BCKDHB: variants seen among roughly 807,000 people sequenced by gnomAD.
The protein encoded by BCKDHB is 2-oxoisovalerate dehydrogenase subunit beta, mitochondrial.
Under a neutral mutation model 48.5 loss-of-function variants are expected in BCKDHB, and 41 were observed. That is an observed-to-expected ratio of 0.85 (90% CI 0.66 to 1.10). BCKDHB has a LOEUF of 1.10. Ranked by LOEUF, BCKDHB falls within the 50% of genes least tolerant of loss-of-function variation. The pLI is 0.00. For synonymous variants in BCKDHB, 201 were observed against 174.8 expected (o/e 1.15, Z -1.18); for missense variants, 496 against 494.2 (o/e 1.00, Z -0.03).
chr6:80,147,881 G>T (rs1771566424), intron 3 of BCKDHB, among the ~76,000 whole-genome samples: 1 of 152,122 alleles, frequency 6.6e-6, no homozygotes, highest in Non-Finnish European at 1.5e-5. Context: ...ATCAGTCAGG[G>T]AGAATTGACA....
At chr6:80,171,499 G>C (rs936473308) in intron 6 of BCKDHB, 109 bp downstream of exon 6, 2 of 671,976 alleles carry the variant, frequency 3.0e-6, no homozygotes, top group Non-Finnish European at 4.8e-6. Context: ...TATTTTCCTT[G>C]TAGAAAGAAT....
the BCKDHB span, among the ~76,000 whole-genome samples, chr6:80,410,948 A>T: frequency 2.6e-5 from 4 of 152,170 alleles, no homozygotes; most frequent in East Asian, 7.7e-4. Context: ...TACTTCTGTC[A>T]ACTTGTCACA....
At chr6:80,123,598 A>G (rs991461481) in intron 1 of BCKDHB, among the ~76,000 whole-genome samples, 1 of 152,096 alleles carries the variant, frequency 6.6e-6, no homozygotes, top group Non-Finnish European at 1.5e-5. Context: ...CAGAGATTCA[A>G]CTTCTTCCTG....
the BCKDHB span, among the ~76,000 whole-genome samples, chr6:80,400,016 T>C: frequency 6.6e-6 from 1 of 152,060 alleles, no homozygotes; most frequent in South Asian, 2.1e-4. Context: ...GCTGGGATAA[T>C]TGGCTAGCCA....
chr6:80,457,121 G>A, the BCKDHB span, among the ~76,000 whole-genome samples: 1 of 152,172 alleles, frequency 6.6e-6, no homozygotes, highest in Non-Finnish European at 1.5e-5. Flanking sequence ...GAAGCATACA[G>A]ATAAATTTGG....
At chr6:80,196,138 T>C (rs1225015118) in intron 6 of BCKDHB, among the ~76,000 whole-genome samples, 1 of 152,154 alleles carries the variant, frequency 6.6e-6, no homozygotes, top group East Asian at 1.9e-4. Context: ...TTGCAGATGC[T>C]TTCTGCACAA....
intron 8 of BCKDHB, among the ~76,000 whole-genome samples, chr6:80,259,927 CA>C (rs1376378021): frequency 6.6e-6 from 1 of 152,206 alleles, no homozygotes; most frequent in East Asian, 1.9e-4. Context: ...TCCAACCCCA[CA>C]CCATGACTCT....
chr6:80,244,075 A>T (rs1582428904), intron 8 of BCKDHB, among the ~76,000 whole-genome samples: 1 of 152,254 alleles, frequency 6.6e-6, no homozygotes, highest in Admixed American at 6.5e-5. Context: ...TGAGTCTATA[A>T]AATCATAGAA....
chr6:80,464,218 C>T, the BCKDHB span, among the ~76,000 whole-genome samples: 1 of 152,102 alleles, frequency 6.6e-6, no homozygotes, highest in Non-Finnish European at 1.5e-5. Flanking sequence ...ACCTCTGTCT[C>T]CTGGGTTCAA....
intron 3 of BCKDHB, among the ~76,000 whole-genome samples, chr6:80,142,963 T>C (rs770564537): frequency 1.3e-5 from 2 of 152,070 alleles, no homozygotes; most frequent in African/African-American, 2.4e-5. Flanking sequence ...CTACCAAATT[T>C]CTCAAAATTA....
rs144221039 is a variant in BCKDHB, at chr6:80,170,672, G to A, written c.634-610G>A. Among the ~76,000 whole-genome samples, 265 of 152,212 alleles carry A rather than the reference G, an allele frequency of 1.7e-3. 1 individual carries two copies. The highest frequency in any genetic ancestry group is 6.0e-3 in the African/African-American group (251 of 41,548). ...TCCTACTGTCATTATCATCTTCCTT[G>A]TCATCACCCTCATTCTCGAGAAGGT... On this transcript the variant is annotated intron_variant, in intron 5 of 9. Coordinates refer to ENST00000320393, the MANE Select transcript of BCKDHB (RefSeq NM_183050.4).
intron 8 of BCKDHB, among the ~76,000 whole-genome samples, chr6:80,211,453 A>T (rs910266): frequency 0.36 from 55,188 of 152,060 alleles, 11,962 homozygotes; most frequent in East Asian, 0.56. Flanking sequence ...GGTTTTGGCC[A>T]TAGCCACCTA....
chr6:80,362,686 C>T, the BCKDHB span, among the ~76,000 whole-genome samples: 1 of 152,160 alleles, frequency 6.6e-6, no homozygotes, highest in South Asian at 2.1e-4. Context: ...TTATTCTCTG[C>T]AAAAGAGCAG....
At chr6:80,201,564 G>A (rs1774396079) in intron 7 of BCKDHB, among the ~76,000 whole-genome samples, 1 of 151,982 alleles carries the variant, frequency 6.6e-6, no homozygotes, top group Admixed American at 6.6e-5. Flanking sequence ...TGTTACTTTC[G>A]CTGCAAATGG....
intron 9 of BCKDHB, among the ~76,000 whole-genome samples, chr6:80,284,942 T>G (rs926577209): frequency 6.6e-6 from 1 of 152,168 alleles, no homozygotes; most frequent in Non-Finnish European, 1.5e-5. Flanking sequence ...ACTCAGACAA[T>G]GTTTTCTCTG....
chr6:80,463,330 A>C, the BCKDHB span: 4 of 152,322 alleles, frequency 2.6e-5, no homozygotes, highest in African/African-American at 9.6e-5. Context: ...AGGATACTCC[A>C]TGTGAGTTCA....
At chr6:80,240,151 T>G (rs1416373062) in intron 8 of BCKDHB, among the ~76,000 whole-genome samples, 3 of 151,970 alleles carry the variant, frequency 2.0e-5, no homozygotes, top group Non-Finnish European at 4.4e-5. Flanking sequence ...AAAGTCATTG[T>G]CAGCTTGATG....
At chr6:80,150,461 A>G (rs1771716345) in intron 3 of BCKDHB, among the ~76,000 whole-genome samples, 2 of 152,140 alleles carry the variant, frequency 1.3e-5, no homozygotes, top group South Asian at 4.1e-4. Flanking sequence ...TATATTGCAT[A>G]TCAGTGAATG....
At chr6:80,167,938 T>C (rs987601673) in intron 4 of BCKDHB, 127 bp downstream of exon 4, 1 of 1,039,460 alleles carries the variant, frequency 9.6e-7, no homozygotes, top group Non-Finnish European at 1.4e-6. Context: ...ATTACAATTA[T>C]AATTTTGTTA....
Sources: allele counts gnomAD v4.1 joint callset (sites outside exome capture counted in the v4.1 genomes callset), GRCh38; gene constraint gnomAD v4.1.1; transcripts MANE v1.5; gene names NCBI Gene and HGNC (gene_info 2026-07-23, HGNC 2026-07-21).